Variants in GPHN observed in about 807,000 individuals in gnomAD.
GPHN encodes gephyrin.
GPHN carries 17 observed loss-of-function variants against 95.5 expected under a neutral mutation model. The ratio of observed to expected loss-of-function variants is 0.18; its 90% CI spans 0.12 to 0.27. GPHN has a LOEUF of 0.27. GPHN is among the 10% of genes least tolerant of loss of function. GPHN has a pLI of 1.00. For synonymous variants in GPHN, 320 were observed against 322.5 expected (o/e 0.99, Z 0.08); for missense variants, 660 against 978.1 (o/e 0.67, Z 4.34).
chr14:67,553,014 C>T, the GPHN span, among the ~76,000 whole-genome samples: 5 of 152,208 alleles, frequency 3.3e-5, no homozygotes, highest in African/African-American at 1.2e-4. Context: ...TGACCAATGT[C>T]ATTGACTTAT....
intron 13 of GPHN, among the ~76,000 whole-genome samples, chr14:67,106,359 G>T (rs1373608664): frequency 6.6e-6 from 1 of 152,092 alleles, no homozygotes; most frequent in Non-Finnish European, 1.5e-5. Context: ...GACTTGGGAA[G>T]TTTTCAGCTA....
the GPHN span, among the ~76,000 whole-genome samples, chr14:67,255,626 C>G: frequency 5.5e-3 from 833 of 152,210 alleles, 7 homozygotes; most frequent in African/African-American, 0.019. Context: ...GATAACACTT[C>G]GATTACTTTT....
intron 1 of GPHN, among the ~76,000 whole-genome samples, chr14:66,553,543 T>A (rs995325773): frequency 6.6e-6 from 1 of 152,152 alleles, no homozygotes; most frequent in African/African-American, 2.4e-5. Flanking sequence ...GTCAATATAC[T>A]GTTAATCCTC....
At chr14:67,570,109 G>A in the GPHN span, 2 of 882,706 alleles carry the variant, frequency 2.3e-6, no homozygotes, top group Non-Finnish European at 3.7e-6. Context: ...CCAGGCTTCT[G>A]CACATGGTGA....
At chr14:67,437,427 G>T in the GPHN span, among the ~76,000 whole-genome samples, 3 of 152,172 alleles carry the variant, frequency 2.0e-5, no homozygotes. Flanking sequence ...GGTGGGCAGC[G>T]GCCAGATTAG....
At chr14:67,690,309 G>A in the GPHN span, 5 of 1,614,180 alleles carry the variant, frequency 3.1e-6, no homozygotes, top group Non-Finnish European at 4.2e-6. Flanking sequence ...CGCCCTGCAG[G>A]TTATGGAAGT....
chr14:67,185,457 A>G (rs74056502), downstream of GPHN, among the ~76,000 whole-genome samples: 493 of 152,346 alleles, frequency 3.2e-3, 2 homozygotes, highest in Non-Finnish European at 5.4e-3. Context: ...GTGGACATCA[A>G]TTTCATCTAA....
intron 1 of GPHN, among the ~76,000 whole-genome samples, chr14:66,670,642 T>G (rs2066253512): frequency 6.6e-6 from 1 of 151,938 alleles, no homozygotes; most frequent in Admixed American, 6.6e-5. Flanking sequence ...TACAAAAAAA[T>G]TTAGCTGGGC....
At chr14:66,942,986 T>C (rs2067518235) in intron 8 of GPHN, among the ~76,000 whole-genome samples, 1 of 152,214 alleles carries the variant, frequency 6.6e-6, no homozygotes, top group Admixed American at 6.5e-5. Context: ...TATGACCCTT[T>C]ACAAATTTTG....
chr14:67,562,615 CA>C, the GPHN span: 7 of 1,612,772 alleles, frequency 4.3e-6, no homozygotes, highest in African/African-American at 4.0e-5. Context: ...TCCAGTTGGC[CA>C]AAAGGCACCA....
the GPHN span, chr14:67,589,503 T>C: frequency 9.1e-6 from 9 of 985,156 alleles, no homozygotes; most frequent in African/African-American, 1.6e-4. Context: ...TGATCTTGTT[T>C]GTCAATAAAA....
intron 8 of GPHN, among the ~76,000 whole-genome samples, chr14:66,951,002 G>A (rs1596481201): frequency 6.6e-6 from 1 of 152,158 alleles, no homozygotes; most frequent in East Asian, 2.0e-4. Context: ...TTGGCTAACT[G>A]CAACCTCCCC....
intron 1 of GPHN, among the ~76,000 whole-genome samples, chr14:66,568,190 T>G (rs1347553014): frequency 6.6e-6 from 1 of 152,198 alleles, no homozygotes; most frequent in Non-Finnish European, 1.5e-5. Flanking sequence ...AAAGAAAATT[T>G]GTAGAATGTT....
At chr14:67,508,930 G>A in the GPHN span, among the ~76,000 whole-genome samples, 1 of 151,916 alleles carries the variant, frequency 6.6e-6, no homozygotes, top group East Asian at 1.9e-4. Context: ...GGACCCCAGA[G>A]TCATAATCAG....
intron 22 of GPHN, 68 bp downstream of exon 22, chr14:67,179,742 C>A: frequency 2.3e-6 from 2 of 855,382 alleles, no homozygotes; most frequent in Non-Finnish European, 2.0e-6. Context: ...TATATATAAT[C>A]TTCCTTGGTT....
chr14:67,720,344 C>A, the GPHN span, among the ~76,000 whole-genome samples: 2 of 152,180 alleles, frequency 1.3e-5, no homozygotes, highest in South Asian at 4.2e-4. Context: ...TTTATCTTGC[C>A]TTGTGTATGA....
chr14:67,395,784 T>C, the GPHN span, among the ~76,000 whole-genome samples: 1 of 152,158 alleles, frequency 6.6e-6, no homozygotes, highest in African/African-American at 2.4e-5. Flanking sequence ...CACTGCAGCC[T>C]TTCCCTTGTG....
At chr14:66,793,281 G>A (rs535902579) in intron 3 of GPHN, among the ~76,000 whole-genome samples, 64 of 152,292 alleles carry the variant, frequency 4.2e-4, no homozygotes, top group African/African-American at 1.5e-3. Flanking sequence ...AACAATACAT[G>A]TATAATTGGT....
At chr14:67,171,932 A>G (rs74470450) in intron 21 of GPHN, among the ~76,000 whole-genome samples, 8,229 of 152,200 alleles carry the variant, frequency 0.054, 231 homozygotes, top group Middle Eastern at 0.068. Flanking sequence ...AGACCTCACA[A>G]TGGGAAACCC....
Sources: allele counts gnomAD v4.1 joint callset (sites outside exome capture counted in the v4.1 genomes callset), GRCh38; gene constraint gnomAD v4.1.1; transcripts MANE v1.5; gene names NCBI Gene and HGNC (gene_info 2026-07-23, HGNC 2026-07-21).